The following GALNTL6 variants were observed in gnomAD, a reference collection of about 807,000 sequenced individuals.
GALNTL6 encodes polypeptide N-acetylgalactosaminyltransferase-like 6.
Under a neutral mutation model 73.7 loss-of-function variants are expected in GALNTL6, and 46 were observed. The ratio of observed to expected loss-of-function variants is 0.62; its 90% CI spans 0.49 to 0.80. The LOEUF is 0.80. Among genes scored for constraint, GALNTL6 ranks in the 30% least tolerant of loss-of-function variants. The pLI, the probability that GALNTL6 is intolerant of heterozygous loss-of-function variation, is 0.00. For missense variants in GALNTL6, 604 were observed against 755.0 expected, an observed-to-expected ratio of 0.80 and a Z score of 2.34; for synonymous variants, 259 against 263.7, an observed-to-expected ratio of 0.98 and a Z score of 0.17.
intron 5 of GALNTL6, among the ~76,000 whole-genome samples, chr4:172,446,123 T>G (rs1732010690): frequency 6.6e-6 from 1 of 152,116 alleles, no homozygotes; most frequent in African/African-American, 2.4e-5. Context: ...TACCAAAAAT[T>G]TATCCACATT....
At chr4:172,846,049 C>A (rs1437241465) in intron 7 of GALNTL6, among the ~76,000 whole-genome samples, 1 of 152,070 alleles carries the variant, frequency 6.6e-6, no homozygotes, top group African/African-American at 2.4e-5. Flanking sequence ...AGATAGATAG[C>A]CAATTTGTGA....
intron 5 of GALNTL6, among the ~76,000 whole-genome samples, chr4:172,562,129 A>G (rs1275365404): frequency 6.6e-6 from 1 of 152,124 alleles, no homozygotes; most frequent in Middle Eastern, 3.2e-3. Flanking sequence ...AAGCCAAAAT[A>G]TTCTCCTCCC....
chr4:172,533,824 T>C lies in GALNTL6; in HGVS notation c.553+185135T>C, dbSNP rs541062366. Among the ~76,000 whole-genome samples the C allele has an allele frequency of 2.0e-5, 3 of 152,300 alleles. No individual in the cohort carries two copies. In the East Asian group the frequency reaches 5.8e-4, roughly 29 times the overall value. On this transcript the variant is annotated intron_variant, in intron 5 of 12. Coordinates refer to ENST00000506823, the MANE Select transcript of GALNTL6 (RefSeq NM_001034845.3). Reference sequence around the variant, plus strand: ...TATAACTAACATGACTTCATGTATATATTCAAAATGGAATAATGTAAAATA... The same window carrying C: ...TATAACTAACATGACTTCATGTATACATTCAAAATGGAATAATGTAAAATA...
intron 5 of GALNTL6, among the ~76,000 whole-genome samples, chr4:172,654,726 A>C (rs1335852252): frequency 6.6e-6 from 1 of 152,246 alleles, no homozygotes; most frequent in Non-Finnish European, 1.5e-5. Flanking sequence ...AAGAGAAACA[A>C]GCAAACCCTT....
intron 5 of GALNTL6, among the ~76,000 whole-genome samples, chr4:172,528,492 G>A (rs1026639761): frequency 6.6e-5 from 10 of 150,846 alleles, no homozygotes; most frequent in African/African-American, 2.4e-4. Context: ...CAAGTAGCTG[G>A]GACTACAGGC....
intron 5 of GALNTL6, among the ~76,000 whole-genome samples, chr4:172,377,458 A>G (rs1402250667): frequency 6.6e-6 from 1 of 152,186 alleles, no homozygotes; most frequent in Admixed American, 6.5e-5. Flanking sequence ...CTGACTCAGG[A>G]GCCCAGCTGG....
At chr4:171,996,723 C>CAAAAAAAAAA (rs35734964) in intron 2 of GALNTL6, among the ~76,000 whole-genome samples, 1 of 94,186 alleles carries the variant, frequency 1.1e-5, no homozygotes, top group African/African-American at 3.8e-5. Context: ...AGCTGACGAG[C>CAAAAAAAAAA]AAAAAAAAAA....
chr4:172,801,939 A>G (rs1023283074), intron 5 of GALNTL6, among the ~76,000 whole-genome samples: 6 of 152,056 alleles, frequency 3.9e-5, no homozygotes, highest in Admixed American at 1.3e-4. Flanking sequence ...ATCCACTTCC[A>G]TTTAATAAAC....
chr4:172,365,520 T>C (rs1742525447), intron 5 of GALNTL6, among the ~76,000 whole-genome samples: 1 of 152,140 alleles, frequency 6.6e-6, no homozygotes, highest in Non-Finnish European at 1.5e-5. Context: ...TAATAATTAA[T>C]ATTTGCTAAA....
intron 7 of GALNTL6, among the ~76,000 whole-genome samples, chr4:172,831,733 G>A (rs1026897665): frequency 6.6e-6 from 1 of 152,164 alleles, no homozygotes; most frequent in African/African-American, 2.4e-5. Context: ...GATGGGATTT[G>A]GCGTCAGAGC....
intron 5 of GALNTL6, among the ~76,000 whole-genome samples, chr4:172,701,701 G>A (rs758474703): frequency 2.6e-5 from 4 of 152,012 alleles, no homozygotes; most frequent in Non-Finnish European, 5.9e-5. Context: ...CTCAGAAGTG[G>A]GGACAAGTAC....
intron 8 of GALNTL6, among the ~76,000 whole-genome samples, chr4:172,904,512 T>G (rs968132161): frequency 6.6e-6 from 1 of 152,182 alleles, no homozygotes; most frequent in Non-Finnish European, 1.5e-5. Flanking sequence ...GGTGCCCCAG[T>G]CCCCTGACTT....
chr4:172,666,396 A>C (rs1287075386), intron 5 of GALNTL6, among the ~76,000 whole-genome samples: 3 of 152,230 alleles, frequency 2.0e-5, no homozygotes, highest in Non-Finnish European at 4.4e-5. Flanking sequence ...AGATAAATAC[A>C]GCTAGGAAAG....
At chr4:172,161,289 G>A (rs1399763625) in intron 2 of GALNTL6, among the ~76,000 whole-genome samples, 1 of 151,902 alleles carries the variant, frequency 6.6e-6, no homozygotes, top group Non-Finnish European at 1.5e-5. Context: ...ATACCTTTAT[G>A]TATATGTGTA....
chr4:172,428,215 TAAC>T (rs1012433996), intron 5 of GALNTL6, among the ~76,000 whole-genome samples: 2 of 152,182 alleles, frequency 1.3e-5, no homozygotes, highest in African/African-American at 2.4e-5. Context: ...TGTTCAGTAA[TAAC>T]AGTTTCCTAA....
chr4:171,950,418 G>A (rs1317311779), intron 2 of GALNTL6, among the ~76,000 whole-genome samples: 7 of 151,420 alleles, frequency 4.6e-5, no homozygotes, highest in African/African-American at 1.7e-4. Flanking sequence ...AGTTTGTGGA[G>A]TTAATAAAGA....
chr4:171,834,283 G>A (rs1025350247), intron 2 of GALNTL6, among the ~76,000 whole-genome samples: 1 of 151,968 alleles, frequency 6.6e-6, no homozygotes, highest in African/African-American at 2.4e-5. Flanking sequence ...TCATAAGTCA[G>A]ATGAAGAAAC....
At chr4:172,975,207 G>A (rs972855464) in intron 10 of GALNTL6, among the ~76,000 whole-genome samples, 8 of 152,196 alleles carry the variant, frequency 5.3e-5, no homozygotes, top group African/African-American at 1.7e-4. Flanking sequence ...GCTTTATTGA[G>A]CAACTGTACA....
chr4:172,054,255 A>G (rs1053280988), intron 2 of GALNTL6, among the ~76,000 whole-genome samples: 2 of 152,166 alleles, frequency 1.3e-5, no homozygotes, highest in African/African-American at 4.8e-5. Context: ...CTTATCACAA[A>G]CATATTTTTA....
Sources: allele counts gnomAD v4.1 joint callset (sites outside exome capture counted in the v4.1 genomes callset), GRCh38; gene constraint gnomAD v4.1.1; transcripts MANE v1.5; gene names NCBI Gene and HGNC (gene_info 2026-07-23, HGNC 2026-07-21).